Variants in PLCH1 observed in about 807,000 individuals in gnomAD.
PLCH1 encodes 1-phosphatidylinositol 4,5-bisphosphate phosphodiesterase eta-1.
PLCH1 carries 60 observed loss-of-function variants against 126.7 expected under a neutral mutation model. That is an observed-to-expected ratio of 0.47 (90% CI 0.38 to 0.59). The LOEUF (loss-of-function observed/expected upper bound fraction) is 0.59. Ranked by LOEUF, PLCH1 falls within the 20% of genes least tolerant of loss-of-function variation. The probability of loss-of-function intolerance (pLI) is 0.00; values close to 1 mark genes in which losing one functional copy is unlikely to be tolerated. For missense variants in PLCH1, 1,723 were observed against 2,040.0 expected, an observed-to-expected ratio of 0.84 and a Z score of 2.99; for synonymous variants, 719 against 734.9, an observed-to-expected ratio of 0.98 and a Z score of 0.35.
At chr3:155,456,012 C>T (rs1372753908) in intron 21 of PLCH1, among the ~76,000 whole-genome samples, 1 of 152,182 alleles carries the variant, frequency 6.6e-6, no homozygotes, top group Non-Finnish European at 1.5e-5. Context: ...TGGGTTCTTA[C>T]CACGCAGAAT....
chr3:155,468,425 G>A (rs1410671046), intron 21 of PLCH1, among the ~76,000 whole-genome samples: 1 of 152,078 alleles, frequency 6.6e-6, no homozygotes, highest in Non-Finnish European at 1.5e-5. Flanking sequence ...ATGTACTTGG[G>A]CTAAATTCTC....
chr3:155,571,421 T>C (rs954416209), intron 6 of PLCH1, among the ~76,000 whole-genome samples: 5 of 152,196 alleles, frequency 3.3e-5, no homozygotes, highest in African/African-American at 4.8e-5. Context: ...TCTTTATATA[T>C]ATATTTGGAG....
chr3:155,616,984 A>T (rs1053035051), intron 2 of PLCH1, among the ~76,000 whole-genome samples: 1 of 152,182 alleles, frequency 6.6e-6, no homozygotes, highest in African/African-American at 2.4e-5. Flanking sequence ...AATATAATTA[A>T]TTTAATTTAA....
At chr3:155,711,032 T>C (rs1747091674) in intron 1 of PLCH1, among the ~76,000 whole-genome samples, 1 of 150,232 alleles carries the variant, frequency 6.7e-6, no homozygotes, top group Non-Finnish European at 1.5e-5. Flanking sequence ...GCTTAATAAC[T>C]ACTAATATGT....
chr3:155,550,473 G>A (rs913187242), intron 9 of PLCH1, among the ~76,000 whole-genome samples: 21 of 152,044 alleles, frequency 1.4e-4, no homozygotes, highest in African/African-American at 4.6e-4. Context: ...ATCCTACGTC[G>A]CACATTTCAA....
intron 15 of PLCH1, among the ~76,000 whole-genome samples, 165 bp from the exon 16 acceptor site, chr3:155,494,682 T>A (rs1716766189): frequency 6.6e-6 from 1 of 152,234 alleles, no homozygotes; most frequent in African/African-American, 2.4e-5. Context: ...AAAAGACCCA[T>A]AACATTCCAT....
At chr3:155,522,046 A>AT (rs954668829) in intron 11 of PLCH1, among the ~76,000 whole-genome samples, 1 of 152,178 alleles carries the variant, frequency 6.6e-6, no homozygotes, top group African/African-American at 2.4e-5. Flanking sequence ...ACAGCTTACT[A>AT]TTTTTTGCAT....
intron 2 of PLCH1, among the ~76,000 whole-genome samples, chr3:155,698,623 T>C (rs1746007288): frequency 6.6e-6 from 1 of 152,180 alleles, no homozygotes; most frequent in Non-Finnish European, 1.5e-5. Flanking sequence ...GCTTAGAAAC[T>C]TAGAGGTCAT....
rs567558305 is a variant in PLCH1 at position 155,723,843 on chromosome 3, A to C, written c.-40-19579T>G. Reference sequence around the variant, plus strand: ...GTCACAGGTGCCTGTAATCCCAGCTACTCAGGAGGCTGAGGCAGAAGAATC... The same window carrying C: ...GTCACAGGTGCCTGTAATCCCAGCTCCTCAGGAGGCTGAGGCAGAAGAATC... On this transcript the variant is annotated intron_variant, in intron 1 of 22. Transcript: ENST00000460012. Among the ~76,000 whole-genome samples, 3 of 151,422 alleles carry C rather than the reference A, an allele frequency of 2.0e-5. No individual in the cohort carries two copies. In the South Asian group the frequency reaches 6.3e-4, roughly 32 times the overall value.
chr3:155,520,380 T>C (rs1233004741), intron 11 of PLCH1, among the ~76,000 whole-genome samples: 2 of 152,190 alleles, frequency 1.3e-5, no homozygotes, highest in African/African-American at 4.8e-5. Flanking sequence ...GACTGGATAA[T>C]GGTTTTAGAA....
At position 155,481,815 on chromosome 3, in the gene PLCH1, G is replaced by T; in HGVS notation, c.4211C>A (p.Thr1404Asn). Reference protein sequence around the residue: ...RGLRNGYCKETLRPSVPEIFN... With the variant: ...RGLRNGYCKENLRPSVPEIFN... ...TATTTCAGGGACAGAAGGGCGGAGG[G>T]TCTCTTTACAGTAGCCGTTTCTCAA... is the stretch of plus-strand genomic sequence containing the variant. The change falls in exon 23 of 23, where the codon ACC becomes AAC. Residue 1404 changes from threonine (T) to asparagine (N), a missense_variant. Thr to Asn is a moderately conservative substitution (Grantham distance 65). Coordinates refer to ENST00000460012, the MANE Select transcript of PLCH1 (RefSeq NM_014996.4). This position sits in a 1 kb window ranked among gnomAD's most constrained non-coding sequence, Gnocchi z 4.2. The T allele has an allele frequency of 6.2e-7, 1 of 1,614,128 alleles. No individual in the cohort carries two copies. Among genetic ancestry groups the T allele is most frequent in the Non-Finnish European group, 8.5e-7 (1 of 1,179,994 alleles).
rs1168423638 is a variant in PLCH1, at chr3:155,485,385, T to C, written c.2945A>G (p.Lys982Arg). 6.2e-7 allele frequency: 1 copy of C among 1,606,224 alleles called. No individual in the cohort carries two copies. Among genetic ancestry groups the C allele is most frequent in the Non-Finnish European group, 8.5e-7 (1 of 1,173,272 alleles). Residue 982 changes from lysine to arginine, a missense_variant, in exon 22 of 23, where the codon AAA becomes AGA. Around this residue, in one of 2 missense-constraint regions of PLCH1, gnomAD observed 947 missense variants for 977.1 expected, o/e 0.97. Transcript: ENST00000460012. ...AGAGTTTTCTTTTCCTTCAATGTCT[T>C]TTGCTGTTTCAGATACAGGCAGCGA... Reference protein sequence around the residue: ...ALSLPVSETAKDIEGKENSLA... With the variant: ...ALSLPVSETARDIEGKENSLA...
Position 155,494,536 on chromosome 3 carries a change from G to GA in PLCH1, c.1895-20dup, listed in dbSNP as rs3214639. ...GTGGTTCCTGGCAGTTTTTAATCGA[G>GA]AAAAAAGGAAGTGAGAACTACAGCA... On this transcript the variant is annotated intron_variant, in intron 15 of 22. Coordinates refer to ENST00000460012, the MANE Select transcript of PLCH1 (RefSeq NM_014996.4). 0.81 allele frequency: 1,300,943 copies of GA among 1,596,400 alleles called. 532,112 individuals are homozygous for GA. The highest frequency in any genetic ancestry group is 0.95 in the African/African-American group (70,962 of 74,522).
At chr3:155,712,174 A>G (rs1358750095) in intron 1 of PLCH1, among the ~76,000 whole-genome samples, 1 of 152,218 alleles carries the variant, frequency 6.6e-6, no homozygotes, top group African/African-American at 2.4e-5. Context: ...TGAGCTCTCT[A>G]TTCTGGTTTC....
rs1370750271 is a variant in PLCH1 at position 155,596,148 on chromosome 3, AG to A, written c.226+83del. The A allele has an allele frequency of 4.2e-6, 4 of 949,934 alleles. No homozygotes were observed. The East Asian group carries it at 1.0e-4, about 24-fold the overall frequency. The allele number at this position is 949,934 out of a possible 1,614,324, so 58.8% of individuals were successfully genotyped here. A position where few individuals can be genotyped will look rare whatever the true frequency, so the allele number is the denominator to read the frequency against. The stretch of plus-strand genomic sequence containing the variant: ...ACTTATAAAAGTATAAAACTTCCAC[AG>A]ATCTGAAGCTTCAAGAGCCCACTCA... On this transcript the variant is annotated intron_variant, in intron 3 of 22. Transcript: ENST00000460012.
At chr3:155,597,909 C>T (rs1341312592) in intron 2 of PLCH1, among the ~76,000 whole-genome samples, 3 of 152,070 alleles carry the variant, frequency 2.0e-5, no homozygotes, top group African/African-American at 4.8e-5. Flanking sequence ...GAAGGCTGGG[C>T]GCGGTGGCTC....
chr3:155,603,042 G>A (rs545780892), intron 2 of PLCH1, among the ~76,000 whole-genome samples: 8 of 152,038 alleles, frequency 5.3e-5, no homozygotes, highest in Admixed American at 1.3e-4. Context: ...ATGACCATTC[G>A]CCGAGATTAG....
At chr3:155,459,090 G>T (rs1426684611) in intron 21 of PLCH1, among the ~76,000 whole-genome samples, 1 of 152,174 alleles carries the variant, frequency 6.6e-6, no homozygotes, top group Non-Finnish European at 1.5e-5. Context: ...TGGCTAATTG[G>T]GATAAGGTGG....
At chr3:155,534,368 C>T (rs569436025) in intron 10 of PLCH1, among the ~76,000 whole-genome samples, 1 of 152,270 alleles carries the variant, frequency 6.6e-6, no homozygotes, top group East Asian at 1.9e-4. Flanking sequence ...TTGCATGGAG[C>T]CTGTATCTCC....
Sources: allele counts gnomAD v4.1 joint callset (sites outside exome capture counted in the v4.1 genomes callset), GRCh38; gene constraint gnomAD v4.1.1; regional missense constraint gnomAD v4.1.1; non-coding constraint Gnocchi (gnomAD v3.1); transcripts MANE v1.5; gene names NCBI Gene and HGNC (gene_info 2026-07-23, HGNC 2026-07-21).